The following SLC8A1 variants were observed in gnomAD, a reference collection of about 807,000 sequenced individuals.
SLC8A1 encodes the protein solute carrier family 8 member A1, also known as sodium/calcium exchanger 1.
In SLC8A1, 18 loss-of-function variants were observed where a neutral mutation model predicts 68.3. The observed-to-expected ratio is 0.26, with a 90% CI of 0.18 to 0.39. SLC8A1 has a LOEUF of 0.39. Among genes scored for constraint, SLC8A1 ranks in the 10% least tolerant of loss-of-function variants. The pLI is 1.00. For synonymous variants in SLC8A1, 475 were observed against 415.5 expected (o/e 1.14, Z -1.74); for missense variants, 985 against 1,156.7 (o/e 0.85, Z 2.15).
At chr2:40,511,079 T>C (rs189888728) in intron 1 of SLC8A1, among the ~76,000 whole-genome samples, 1 of 152,328 alleles carries the variant, frequency 6.6e-6, no homozygotes, top group African/African-American at 2.4e-5. Context: ...TACACTTGCT[T>C]ATTAATAATT....
At chr2:40,118,927 T>C (rs2036165963) in intron 7 of SLC8A1, among the ~76,000 whole-genome samples, 1 of 152,066 alleles carries the variant, frequency 6.6e-6, no homozygotes, top group Non-Finnish European at 1.5e-5. Context: ...GGGTATCCCA[T>C]GTGTACTCAG....
At chr2:40,502,272 T>G (rs992891613) in intron 1 of SLC8A1, among the ~76,000 whole-genome samples, 2 of 152,104 alleles carry the variant, frequency 1.3e-5, no homozygotes, top group African/African-American at 4.8e-5. Context: ...TCTAACCCAC[T>G]GAAGAAGGCA....
At chr2:40,173,382 G>T (rs1338923833) in intron 4 of SLC8A1, among the ~76,000 whole-genome samples, 1 of 152,182 alleles carries the variant, frequency 6.6e-6, no homozygotes, top group African/African-American at 2.4e-5. Flanking sequence ...AGCTTCAGAT[G>T]AATCAGATTT....
Position 40,383,465 on chromosome 2 carries a change from CAAGTT to C in SLC8A1, c.1808+45003_1808+45007del, listed in dbSNP as rs200616027. ...TCATATTTTGGTAGAGAGCATCACT[CAAGTT>C]TAGTAATAAAAATAATAACAATGAG... On this transcript the variant is annotated intron_variant, in intron 2 of 7. Coordinates refer to ENST00000406785, the Ensembl canonical transcript of SLC8A1. Among the ~76,000 whole-genome samples, 1,213 of 152,108 alleles carry C rather than the reference CAAGTT, an allele frequency of 8.0e-3. 10 individuals are homozygous for C. The highest frequency in any genetic ancestry group is 9.9e-3 in the Non-Finnish European group (671 of 67,998).
chr2:40,155,155 A>G (rs552892685), intron 6 of SLC8A1, among the ~76,000 whole-genome samples: 1 of 151,956 alleles, frequency 6.6e-6, no homozygotes, highest in Non-Finnish European at 1.5e-5. Context: ...TTTGAGATGG[A>G]GTCTCGCTCT....
At chr2:40,485,105 G>T (rs979083082) in intron 1 of SLC8A1, among the ~76,000 whole-genome samples, 3 of 151,940 alleles carry the variant, frequency 2.0e-5, no homozygotes, top group African/African-American at 7.3e-5. Context: ...AATCTGCTTG[G>T]ATTAGCAAAA....
intron 2 of SLC8A1, among the ~76,000 whole-genome samples, chr2:40,375,469 T>A (rs1280083588): frequency 6.6e-6 from 1 of 152,156 alleles, no homozygotes; most frequent in Non-Finnish European, 1.5e-5. Flanking sequence ...AGCATTTTAA[T>A]TGGATAGTTT....
chr2:40,269,982 C>T (rs917339493), intron 2 of SLC8A1, among the ~76,000 whole-genome samples: 10 of 152,044 alleles, frequency 6.6e-5, no homozygotes, highest in African/African-American at 2.4e-4. Context: ...TGTCTGAGAT[C>T]CTGATAGCTC....
rs112294489 is a variant in SLC8A1, at chr2:40,476,569, T to G, written c.-25+35780A>C. 9.5e-3 allele frequency among the ~76,000 whole-genome samples: 1,445 copies of G among 152,276 alleles called. 29 individuals carry two copies. The highest frequency in any genetic ancestry group is 0.087 in the South Asian group (421 of 4,828). On this transcript the variant is annotated intron_variant, in intron 1 of 7. Transcript: ENST00000402441. ...GATCACATTTGACCAGAGACCTTAA[T>G]AAAGTAAGGGAGAGTCCATTATGGG...
intron 2 of SLC8A1, among the ~76,000 whole-genome samples, chr2:40,377,051 G>A (rs749992231): frequency 6.6e-6 from 1 of 151,966 alleles, no homozygotes; most frequent in African/African-American, 2.4e-5. Flanking sequence ...CTAAGACTGG[G>A]CTATTTTGTA....
intron 2 of SLC8A1, among the ~76,000 whole-genome samples, chr2:40,280,661 G>A (rs2067378030): frequency 6.6e-6 from 1 of 152,150 alleles, no homozygotes; most frequent in South Asian, 2.1e-4. Context: ...CTTCAGCAAA[G>A]AGGTCACACA....
chr2:40,270,950 C>T (rs928777894), intron 2 of SLC8A1, among the ~76,000 whole-genome samples: 1 of 152,168 alleles, frequency 6.6e-6, no homozygotes, highest in East Asian at 1.9e-4. Flanking sequence ...CATTTTATCA[C>T]CTTCACTGCC....
At chr2:40,459,341 A>G (rs1043964440) in intron 1 of SLC8A1, among the ~76,000 whole-genome samples, 2 of 151,732 alleles carry the variant, frequency 1.3e-5, no homozygotes, top group African/African-American at 4.9e-5. Flanking sequence ...GAGAGTCCCA[A>G]ACAGATAAAA....
chr2:40,457,963 T>TA (rs1055167385), intron 1 of SLC8A1, among the ~76,000 whole-genome samples: 1 of 152,164 alleles, frequency 6.6e-6, no homozygotes, highest in Non-Finnish European at 1.5e-5. Context: ...CTGGGTTATT[T>TA]AAAAAAATAC....
At chr2:40,271,816 C>G (rs553297710) in intron 2 of SLC8A1, among the ~76,000 whole-genome samples, 1 of 152,218 alleles carries the variant, frequency 6.6e-6, no homozygotes, top group Non-Finnish European at 1.5e-5. Context: ...GACTCATTTT[C>G]TTTCCGGAGT....
intron 7 of SLC8A1, among the ~76,000 whole-genome samples, chr2:40,131,858 A>ATT (rs71404277): frequency 0.28 from 26,306 of 94,186 alleles, 7,168 homozygotes; most frequent in Non-Finnish European, 0.38. Context: ...TTGGTATTCT[A>ATT]TTTTTTTTTT....
chr2:40,250,297 A>T (rs1198227629), intron 2 of SLC8A1: 1 of 152,182 alleles, frequency 6.6e-6, no homozygotes, highest in East Asian at 1.9e-4. Flanking sequence ...TTTGAATTTC[A>T]GTTTTTTATC....
rs143033075 is a variant in SLC8A1, at chr2:40,446,256, G to A, written c.-25+5648C>T. ...GCCTCTCTCCTCCAAGGCCATGCTG[G>A]AAGTTCATCCTACATTTTGGTTTCA... On this transcript the variant is annotated intron_variant, in intron 1 of 7. Coordinates refer to ENST00000406785, the Ensembl canonical transcript of SLC8A1. Among the ~76,000 whole-genome samples, 640 of 152,288 alleles carry A rather than the reference G, an allele frequency of 4.2e-3. 4 individuals carry two copies. Among genetic ancestry groups the A allele is most frequent in the African/African-American group, 0.015 (611 of 41,554 alleles).
intron 2 of SLC8A1, among the ~76,000 whole-genome samples, chr2:40,194,204 A>T (rs184402955): frequency 6.6e-6 from 1 of 152,112 alleles, no homozygotes; most frequent in African/African-American, 2.4e-5. Context: ...TAGGTTTGGC[A>T]AGCCTTATGA....
Sources: gnomAD v4.1 joint callset for allele counts (sites outside exome capture counted in the v4.1 genomes callset) on GRCh38, gnomAD v4.1.1 for gene constraint, MANE v1.5 for transcripts, NCBI Gene and HGNC (gene_info 2026-07-23, HGNC 2026-07-21) for gene names.